Variants in PPP2R2A observed in about 807,000 individuals in gnomAD.
PPP2R2A encodes protein phosphatase 2 regulatory subunit Balpha, also known as serine/threonine-protein phosphatase 2A 55 kDa regulatory subunit B alpha isoform.
A neutral mutation model predicts 53.2 loss-of-function variants in PPP2R2A; 9 were observed. The ratio of observed to expected loss-of-function variants is 0.17; its 90% CI spans 0.10 to 0.30. The LOEUF (loss-of-function observed/expected upper bound fraction) is 0.30. PPP2R2A is among the 10% of genes least tolerant of loss of function. The probability of loss-of-function intolerance (pLI) is 1.00; values close to 1 mark genes in which losing one functional copy is unlikely to be tolerated. For missense variants in PPP2R2A, 235 were observed against 534.6 expected, an observed-to-expected ratio of 0.44 and a Z score of 5.53; for synonymous variants, 169 against 174.2, an observed-to-expected ratio of 0.97 and a Z score of 0.23.
intron 2 of PPP2R2A, among the ~76,000 whole-genome samples, chr8:26,325,481 C>T (rs936795951): frequency 6.6e-6 from 1 of 152,088 alleles, no homozygotes; most frequent in South Asian, 2.1e-4. Context: ...TCTTTATCAG[C>T]GGCGTGAAAA....
rs886674516 is a variant in PPP2R2A at position 26,321,429 on chromosome 8, G to T, written c.83-17461G>T. ...CCTGGCTTCTGGTATTTATGTCTCTGTGTAACCTTGTCCCTTTGAGTGTTT... is the reference window on the plus strand; with the variant it reads ...CCTGGCTTCTGGTATTTATGTCTCTTTGTAACCTTGTCCCTTTGAGTGTTT... On this transcript the variant is annotated intron_variant, in intron 2 of 9. Transcript: ENST00000380737. This position sits in a 1 kb window ranked among gnomAD's most constrained non-coding sequence, Gnocchi z 4.1. Among the ~76,000 whole-genome samples, 5 of 152,228 alleles carry T rather than the reference G, an allele frequency of 3.3e-5. No individual in the cohort carries two copies. Among genetic ancestry groups the T allele is most frequent in the Admixed American group, 3.3e-4 (5 of 15,280 alleles).
rs776881640 is a variant in PPP2R2A, at chr8:26,370,157, A to G, written c.1088A>G (p.Asn363Ser). The change falls in exon 10 of 10, where the codon AAT (asparagine) becomes AGT (serine). Residue 363 changes from asparagine to serine, a missense_variant. Physicochemically the swap from Asn to Ser is conservative, Grantham distance 46. Around this residue, in one of 3 missense-constraint regions of PPP2R2A, gnomAD observed 181 missense variants for 409.9 expected, o/e 0.44. Coordinates refer to ENST00000380737, the MANE Select transcript of PPP2R2A (RefSeq NM_002717.4). This position sits in a 1 kb window ranked among gnomAD's most constrained non-coding sequence, Gnocchi z 6.1. Reference sequence around the variant, plus strand: ...AGTGTTGTCATGACTGGATCTTACAATAATTTCTTCAGAATGTTTGACAGA... The same window carrying G: ...AGTGTTGTCATGACTGGATCTTACAGTAATTTCTTCAGAATGTTTGACAGA... The part of the protein sequence containing the change: ...SDSVVMTGSY[N>S]NFFRMFDRNT... 7 of 1,614,088 alleles carry G rather than the reference A, an allele frequency of 4.3e-6. No individual in the cohort carries two copies. Among genetic ancestry groups the G allele is most frequent in the Non-Finnish European group, 4.2e-6 (5 of 1,179,990 alleles).
intron 2 of PPP2R2A, among the ~76,000 whole-genome samples, chr8:26,316,674 T>A (rs1003990781): frequency 1.3e-5 from 2 of 152,210 alleles, no homozygotes; most frequent in Non-Finnish European, 2.9e-5. Flanking sequence ...GGCTGGGAAG[T>A]CCTAGATCAA....
At chr8:26,314,876 T>C (rs1182708392) in intron 2 of PPP2R2A, among the ~76,000 whole-genome samples, 1 of 121,844 alleles carries the variant, frequency 8.2e-6, no homozygotes, top group East Asian at 2.2e-4. Flanking sequence ...CTGGTCCTCT[T>C]TTTTTTTCCC....
chr8:26,291,883 CCAT>C, intron 1 of PPP2R2A, 57 bp downstream of exon 1: 8 of 1,601,446 alleles, frequency 5.0e-6, no homozygotes, highest in Non-Finnish European at 6.8e-6. Flanking sequence ...ATTCCTCCCT[CCAT>C]CACCCCCTAG....
chr8:26,320,784 G>A (rs974095498), intron 2 of PPP2R2A, among the ~76,000 whole-genome samples: 1 of 152,126 alleles, frequency 6.6e-6, no homozygotes, highest in Non-Finnish European at 1.5e-5. Context: ...AAATTAACAT[G>A]GTAGAAAATA....
chr8:26,346,886 T>C (rs1046448202), intron 3 of PPP2R2A, among the ~76,000 whole-genome samples: 5 of 152,224 alleles, frequency 3.3e-5, no homozygotes, highest in African/African-American at 9.6e-5. Flanking sequence ...TTATTTGTTA[T>C]TTCTCCAATT....
intron 2 of PPP2R2A, among the ~76,000 whole-genome samples, chr8:26,316,624 TACAA>T (rs1291659908): frequency 6.6e-5 from 10 of 152,326 alleles, no homozygotes; most frequent in African/African-American, 4.8e-5. Context: ...CTGGGTGGCT[TACAA>T]ACAAACAACA....
chr8:26,295,575 T>C (rs1801507542), intron 2 of PPP2R2A, among the ~76,000 whole-genome samples: 1 of 152,262 alleles, frequency 6.6e-6, no homozygotes, highest in South Asian at 2.1e-4. Flanking sequence ...AGTTCCCCTT[T>C]GCTGATACTT....
rs193257965 is a variant in PPP2R2A, at chr8:26,354,939, C to T, written c.346+306C>T. ...CAGTCTCGTAATCTTGGGCAGGTTACTAACACTGAATTGAATTTTCCTCAG... is the reference window on the plus strand; with the variant it reads ...CAGTCTCGTAATCTTGGGCAGGTTATTAACACTGAATTGAATTTTCCTCAG... On this transcript the variant is annotated intron_variant, in intron 4 of 9. Transcript: ENST00000380737. This position sits in a 1 kb window ranked among gnomAD's most constrained non-coding sequence, Gnocchi z 4.6. 5.9e-5 allele frequency among the ~76,000 whole-genome samples: 9 copies of T among 152,238 alleles called. No individual in the cohort carries two copies. The highest frequency in any genetic ancestry group is 2.2e-4 in the African/African-American group (9 of 41,546).
Position 26,360,912 on chromosome 8 carries a change from C to A in PPP2R2A, c.460-62C>A. On this transcript the variant is annotated intron_variant, in intron 5 of 9. Coordinates refer to ENST00000380737, the MANE Select transcript of PPP2R2A (RefSeq NM_002717.4). This position sits in a 1 kb window ranked among gnomAD's most constrained non-coding sequence, Gnocchi z 4.5. Reference sequence around the variant, plus strand: ...ACTGAAATAATGAAGTTTTCTGAATCTTAATTGCTATTTGAAACTGAGCCT... The same window carrying A: ...ACTGAAATAATGAAGTTTTCTGAATATTAATTGCTATTTGAAACTGAGCCT... The A allele has an allele frequency of 6.8e-7, 1 of 1,464,220 alleles. No individual in the cohort carries two copies. Among genetic ancestry groups the A allele is most frequent in the South Asian group, 1.3e-5 (1 of 77,548 alleles). 90.7% of individuals were successfully genotyped at this position (1,464,220 alleles called of 1,614,324 possible).
chr8:26,327,287 C>A (rs376667030), intron 2 of PPP2R2A, among the ~76,000 whole-genome samples: 1 of 152,312 alleles, frequency 6.6e-6, no homozygotes, highest in African/African-American at 2.4e-5. Context: ...AACATTTGCC[C>A]CTCCATGCCT....
intron 2 of PPP2R2A, among the ~76,000 whole-genome samples, chr8:26,332,662 A>C (rs553057404): frequency 6.6e-6 from 1 of 152,298 alleles, no homozygotes; most frequent in South Asian, 2.1e-4. Flanking sequence ...AGAATTTAGA[A>C]TGTGTATCAC....
rs538970218 is a variant in PPP2R2A at position 26,308,974 on chromosome 8, C to T, written c.82+15234C>T. 1.2e-4 allele frequency among the ~76,000 whole-genome samples: 19 copies of T among 152,158 alleles called. No individual in the cohort carries two copies. In the South Asian group the frequency reaches 3.7e-3, roughly 30 times the overall value. ...TTCCTGGGCTCAGGTGATTCTCCTGCCTCAGCCTTCCAAGTGGTTGGGGCT... is the reference window on the plus strand; with the variant it reads ...TTCCTGGGCTCAGGTGATTCTCCTGTCTCAGCCTTCCAAGTGGTTGGGGCT... On this transcript the variant is annotated intron_variant, in intron 2 of 9. Transcript: ENST00000380737.
At chr8:26,309,384 G>C (rs762596031) in intron 2 of PPP2R2A, among the ~76,000 whole-genome samples, 40 of 152,212 alleles carry the variant, frequency 2.6e-4, no homozygotes, top group Non-Finnish European at 5.1e-4. Context: ...GCTATAAACA[G>C]ATGTGCTCTC....
At chr8:26,344,208 C>T (rs1235522857) in intron 3 of PPP2R2A, among the ~76,000 whole-genome samples, 1 of 152,154 alleles carries the variant, frequency 6.6e-6, no homozygotes, top group Admixed American at 6.5e-5. Flanking sequence ...TTAATCATCA[C>T]AGCAAAATAA....
At chr8:26,330,504 T>G (rs917215562) in intron 2 of PPP2R2A, among the ~76,000 whole-genome samples, 1 of 139,888 alleles carries the variant, frequency 7.1e-6, no homozygotes, top group South Asian at 2.1e-4. Flanking sequence ...AGTTTTTTTG[T>G]TTTTTTAGTA....
At chr8:26,296,093 A>G (rs2117184672) in intron 2 of PPP2R2A, among the ~76,000 whole-genome samples, 1 of 152,314 alleles carries the variant, frequency 6.6e-6, no homozygotes, top group Admixed American at 6.5e-5. Flanking sequence ...TTCTTTGCAT[A>G]CCTGCTTTCA....
intron 2 of PPP2R2A, among the ~76,000 whole-genome samples, chr8:26,312,142 T>G (rs979541525): frequency 2.1e-4 from 32 of 152,218 alleles, no homozygotes; most frequent in Non-Finnish European, 2.9e-5. Context: ...CCTTGGAAAA[T>G]TCTCCAGAAG....
Sources: allele counts gnomAD v4.1 joint callset (sites outside exome capture counted in the v4.1 genomes callset), GRCh38; gene constraint gnomAD v4.1.1; regional missense constraint gnomAD v4.1.1; non-coding constraint Gnocchi (gnomAD v3.1); transcripts MANE v1.5; gene names NCBI Gene and HGNC (gene_info 2026-07-23, HGNC 2026-07-21).